Variants in HTR2C observed in about 807,000 individuals in gnomAD.
HTR2C encodes 5-hydroxytryptamine receptor 2C, also known as 5-hydroxytryptamine (serotonin) receptor 2C, G protein-coupled.
HTR2C carries 5 observed loss-of-function variants against 21.0 expected under a neutral mutation model. That is an observed-to-expected ratio of 0.24 (90% confidence interval 0.12 to 0.50). The LOEUF (loss-of-function observed/expected upper bound fraction) is 0.50. Among genes scored for constraint, HTR2C ranks in the 20% least tolerant of loss-of-function variants. The probability of loss-of-function intolerance (pLI) is 0.98; values close to 1 mark genes in which losing one functional copy is unlikely to be tolerated. For missense variants in HTR2C, 271 were observed against 371.2 expected (o/e 0.73, Z 2.22); for synonymous variants, 150 against 145.3 (o/e 1.03, Z -0.23).
intron 2 of HTR2C, among the ~76,000 whole-genome samples, chrX:114,650,962 T>C (rs952712523): frequency 6.3e-5 from 7 of 111,637 alleles, no homozygotes; most frequent in Non-Finnish European, 1.3e-4. Context: ...GGTTGCAGTA[T>C]TAACTACCCC....
At chrX:114,710,010 G>T (rs1275988738) in intron 2 of HTR2C, among the ~76,000 whole-genome samples, 1 of 111,944 alleles carries the variant, frequency 8.9e-6, no homozygotes, top group African/African-American at 3.2e-5. Context: ...GTAAGGCTCA[G>T]AATCAAAGGA....
chrX:114,626,790 C>T (rs185694351), intron 2 of HTR2C, among the ~76,000 whole-genome samples: 231 of 111,864 alleles, frequency 2.1e-3, no homozygotes, highest in African/African-American at 6.8e-3. Flanking sequence ...AATTTTTATT[C>T]GTGTTCCATA....
chrX:114,750,647 A>G (rs959545871), intron 4 of HTR2C, among the ~76,000 whole-genome samples: 2 of 112,313 alleles, frequency 1.8e-5, no homozygotes, highest in African/African-American at 6.5e-5. Context: ...TGTAGTTTAC[A>G]TACAATAGAA....
intron 4 of HTR2C, among the ~76,000 whole-genome samples, chrX:114,778,810 G>A (rs996521094): frequency 9.0e-6 from 1 of 111,280 alleles, no homozygotes; most frequent in African/African-American, 3.3e-5. Context: ...TCAGGACACA[G>A]ATGGAGGGCT....
Position 114,908,433 on chromosome X carries a change from T to C in HTR2C, c.*1018T>C, listed in dbSNP as rs200249975. 2.7e-5 allele frequency: 3 copies of C among 111,707 alleles called. No individual in the cohort carries two copies. The highest frequency in any genetic ancestry group is 3.8e-5 in the Non-Finnish European group (2 of 53,054). 9.2% of individuals were successfully genotyped at this position (111,707 alleles called of 1,213,427 possible). ...TTGAGTAAAACTTGTATTGGAAGTA[T>C]AGATGGTAGAAACTTTGGAAGTTTT... is the stretch of plus-strand genomic sequence containing the variant. On this transcript the variant is annotated 3_prime_UTR_variant, in exon 6 of 6. Transcript: ENST00000276198.
intron 5 of HTR2C, among the ~76,000 whole-genome samples, chrX:114,862,086 G>C (rs1556473125): frequency 1.1e-4 from 12 of 110,774 alleles, no homozygotes; most frequent in Non-Finnish European, 9.5e-5. Context: ...TTTCCTTTAT[G>C]TTCTCTTCTA....
At chrX:114,877,185 T>C (rs1486536660) in intron 5 of HTR2C, among the ~76,000 whole-genome samples, 1 of 111,542 alleles carries the variant, frequency 9.0e-6, no homozygotes, top group South Asian at 3.7e-4. Context: ...GGTTGTATGT[T>C]TTTAAAGAAA....
At chrX:114,859,640 A>C (rs2070991097) in intron 5 of HTR2C, among the ~76,000 whole-genome samples, 1 of 110,581 alleles carries the variant, frequency 9.0e-6, no homozygotes, top group Non-Finnish European at 1.9e-5. Flanking sequence ...TCCAAGAATT[A>C]TCTTTTGGAG....
chrX:114,908,458 T>C lies in HTR2C; in HGVS notation c.*1043T>C, dbSNP rs1216289084. ...TAGATGGTAGAAACTTTGGAAGTTT[T>C]ACTTGATTAAGGACTACAGAATTGG... On this transcript the variant is annotated 3_prime_UTR_variant, in exon 6 of 6. Coordinates refer to ENST00000276198, the MANE Select transcript of HTR2C (RefSeq NM_000868.4). 8.9e-6 allele frequency: 1 copy of C among 111,917 alleles called. No individual in the cohort carries two copies. Among genetic ancestry groups the C allele is most frequent in the East Asian group, 2.8e-4 (1 of 3,560 alleles). The allele number at this position is 111,917 out of a possible 1,213,427, so 9.2% of individuals were successfully genotyped here. A position where few individuals can be genotyped will look rare whatever the true frequency, so the allele number is the denominator to read the frequency against.
intron 4 of HTR2C, among the ~76,000 whole-genome samples, chrX:114,839,698 A>T (rs1202182661): frequency 9.6e-6 from 1 of 104,351 alleles, no homozygotes; most frequent in East Asian, 2.9e-4. Flanking sequence ...AAAACAAAAC[A>T]AAACAAAACA....
chrX:114,763,345 C>T (rs1182316193), intron 4 of HTR2C: 1 of 121,926 alleles, frequency 8.2e-6, no homozygotes, highest in African/African-American at 3.2e-5. Flanking sequence ...AATCTACAAA[C>T]CCTCAAGATA....
At chrX:114,857,238 G>T (rs1427932457) in intron 5 of HTR2C, among the ~76,000 whole-genome samples, 1 of 110,805 alleles carries the variant, frequency 9.0e-6, no homozygotes, top group African/African-American at 3.3e-5. Flanking sequence ...ACTTTTCCTG[G>T]CTTGCATCAT....
chrX:114,691,235 A>G (rs148629741), intron 2 of HTR2C, among the ~76,000 whole-genome samples: 1,160 of 111,148 alleles, frequency 0.01, 3 homozygotes, highest in Middle Eastern at 0.023. Flanking sequence ...TCAATGGCAA[A>G]CAAGTGTTTG....
chrX:114,688,124 C>A (rs1209901277), intron 2 of HTR2C, among the ~76,000 whole-genome samples: 1 of 109,815 alleles, frequency 9.1e-6, no homozygotes, highest in African/African-American at 3.3e-5. Flanking sequence ...AGTTTGAGAC[C>A]AGTCTGGCCA....
At chrX:114,688,499 G>T (rs1229939261) in intron 2 of HTR2C, among the ~76,000 whole-genome samples, 1 of 111,197 alleles carries the variant, frequency 9.0e-6, no homozygotes, top group South Asian at 3.7e-4. Flanking sequence ...CTTATAATTT[G>T]TCAGGTTTAA....
At chrX:114,670,893 C>T (rs782346176) in intron 2 of HTR2C, among the ~76,000 whole-genome samples, 1 of 111,328 alleles carries the variant, frequency 9.0e-6, no homozygotes, top group Non-Finnish European at 1.9e-5. Flanking sequence ...AATTAATGTA[C>T]GAGTTTAGCT....
intron 4 of HTR2C, among the ~76,000 whole-genome samples, chrX:114,846,117 C>G (rs952917081): frequency 9.0e-6 from 1 of 111,074 alleles, no homozygotes; most frequent in Admixed American, 9.6e-5. Flanking sequence ...CACATACTAC[C>G]AAAAGTGACT....
At chrX:114,711,550 T>G in intron 2 of HTR2C, among the ~76,000 whole-genome samples, 1 of 111,684 alleles carries the variant, frequency 9.0e-6, no homozygotes, top group Non-Finnish European at 1.9e-5. Context: ...CACTCATATA[T>G]CCCTAGTATA....
chrX:114,695,544 C>CA (rs1418599574), intron 2 of HTR2C, among the ~76,000 whole-genome samples: 1 of 111,825 alleles, frequency 8.9e-6, no homozygotes, highest in Non-Finnish European at 1.9e-5. Context: ...TTAATAAACA[C>CA]AAAAAAATTA....
Sources: allele counts gnomAD v4.1 joint callset (sites outside exome capture counted in the v4.1 genomes callset), GRCh38; gene constraint gnomAD v4.1.1; transcripts MANE v1.5; gene names NCBI Gene and HGNC (gene_info 2026-07-23, HGNC 2026-07-21).